NF1: variants seen among roughly 807,000 people sequenced by gnomAD.
NF1 encodes the protein neurofibromin 1, also known as neurofibromin.
NF1 carries 122 observed loss-of-function variants against 325.7 expected under a neutral mutation model. That is an observed-to-expected ratio of 0.37 (90% CI 0.32 to 0.44). The LOEUF is 0.44. NF1 is among the 20% of genes least tolerant of loss of function. The probability of loss-of-function intolerance (pLI) is 1.00; values close to 1 mark genes in which losing one functional copy is unlikely to be tolerated. For synonymous variants in NF1, 1,091 were observed against 1,186.0 expected (o/e 0.92, Z 1.65); for missense variants, 2,140 against 3,415.4 (o/e 0.63, Z 9.31).
intron 57 of NF1, among the ~76,000 whole-genome samples, chr17:31,364,001 A>G (rs1341134113): frequency 6.6e-6 from 1 of 152,048 alleles, no homozygotes; most frequent in African/African-American, 2.4e-5. Context: ...TCAGCCTCCC[A>G]AAGTGCTGGG....
intron 36 of NF1, among the ~76,000 whole-genome samples, chr17:31,310,631 C>T (rs1025063324): frequency 3.8e-4 from 58 of 152,080 alleles, no homozygotes; most frequent in African/African-American, 1.3e-3. Flanking sequence ...CCTTACCATC[C>T]TCTCCCTTTT....
intron 49 of NF1, among the ~76,000 whole-genome samples, chr17:31,349,663 C>A (rs1338293637): frequency 6.6e-6 from 1 of 152,220 alleles, no homozygotes; most frequent in African/African-American, 2.4e-5. Flanking sequence ...CCATCTCCTA[C>A]AAGCAACTGC....
At chr17:31,353,968 G>C (rs1300711910) in intron 51 of NF1, among the ~76,000 whole-genome samples, 4 of 152,186 alleles carry the variant, frequency 2.6e-5, no homozygotes, top group Admixed American at 2.6e-4. Context: ...GTTCCCTTCT[G>C]TTAGTACCTT....
At chr17:31,238,712 C>T (rs1191178416) in intron 29 of NF1, among the ~76,000 whole-genome samples, 6 of 148,738 alleles carry the variant, frequency 4.0e-5, no homozygotes, top group South Asian at 2.1e-4. Context: ...CCAGCCTGGG[C>T]GACAGAGCGA....
chr17:31,370,813 A>G (rs568837861), intron 57 of NF1, among the ~76,000 whole-genome samples: 1 of 152,264 alleles, frequency 6.6e-6, no homozygotes, highest in Non-Finnish European at 1.5e-5. Flanking sequence ...TCCATGCTTC[A>G]TGCCCCTCCT....
At chr17:31,217,042 C>A (rs1472577455) in intron 13 of NF1, among the ~76,000 whole-genome samples, 1 of 152,116 alleles carries the variant, frequency 6.6e-6, no homozygotes, top group African/African-American at 2.4e-5. Context: ...ACTTGTTGAT[C>A]TGATTATTTC....
chr17:31,310,732 T>C (rs946272226), intron 36 of NF1, among the ~76,000 whole-genome samples: 2 of 151,984 alleles, frequency 1.3e-5, no homozygotes, highest in African/African-American at 4.8e-5. Flanking sequence ...TTTCCAGAAA[T>C]CCCTTAGTCT....
At chr17:31,250,790 A>C (rs1277839717) in intron 30 of NF1, 1 of 188,664 alleles carries the variant, frequency 5.3e-6, no homozygotes, top group Non-Finnish European at 1.1e-5. Context: ...ATTTTTAAAC[A>C]CTATATGTGG....
chr17:31,264,946 C>T (rs1467036877), intron 35 of NF1, among the ~76,000 whole-genome samples: 1 of 152,020 alleles, frequency 6.6e-6, no homozygotes, highest in Non-Finnish European at 1.5e-5. Context: ...TTTAAAAAAT[C>T]ATAAACTTCT....
At chr17:31,184,661 A>AT (rs1491416823) in intron 8 of NF1, among the ~76,000 whole-genome samples, 1 of 140,644 alleles carries the variant, frequency 7.1e-6, no homozygotes, top group Non-Finnish European at 1.6e-5. Context: ...AAAAAAAAAT[A>AT]AAAAAAAAAA....
Position 31,330,286 on chromosome 17 carries a change from T to G in NF1, c.5610-10T>G. ...CGTTTTAAAACAACTTCATTTGTGT[T>G]TTCTCCTAGGTCAGCTGCCTATAAT... On this transcript the variant is annotated splice_polypyrimidine_tract_variant and intron_variant, in intron 38 of 57. Coordinates refer to ENST00000358273, the MANE Select transcript of NF1 (RefSeq NM_001042492.3). 6.2e-7 allele frequency: 1 copy of G among 1,613,570 alleles called. No individual in the cohort carries two copies. The highest frequency in any genetic ancestry group is 8.5e-7 in the Non-Finnish European group (1 of 1,179,502).
intron 30 of NF1, chr17:31,250,780 A>G (rs986491665): frequency 6.4e-5 from 12 of 188,818 alleles, no homozygotes; most frequent in Non-Finnish European, 1.2e-4. Flanking sequence ...GTGAAAATAG[A>G]TTTTTAAACA....
intron 1 of NF1, among the ~76,000 whole-genome samples, chr17:31,120,265 T>C (rs923156446): frequency 1.3e-5 from 2 of 152,228 alleles, no homozygotes; most frequent in Admixed American, 1.3e-4. Context: ...TTCATTTGTT[T>C]GTATCCTCTT....
At chr17:31,223,347 C>A in intron 15 of NF1, 97 bp from the exon 16 acceptor site, 1 of 1,428,822 alleles carries the variant, frequency 7.0e-7, no homozygotes, top group Non-Finnish European at 9.8e-7. Flanking sequence ...CTTCTCTAAA[C>A]TTGTATTCAT....
chr17:31,131,693 G>T (rs1915406870), intron 1 of NF1, among the ~76,000 whole-genome samples: 1 of 152,174 alleles, frequency 6.6e-6, no homozygotes, highest in Non-Finnish European at 1.5e-5. Context: ...CAAATCAGTT[G>T]TTGGTGTAAA....
chr17:31,277,982 C>T (rs1055851017), intron 36 of NF1, among the ~76,000 whole-genome samples: 2 of 152,088 alleles, frequency 1.3e-5, no homozygotes, highest in African/African-American at 4.8e-5. Context: ...CCTAAAATCA[C>T]CAGGCATGGT....
intron 36 of NF1, among the ~76,000 whole-genome samples, chr17:31,293,492 G>C (rs1038955619): frequency 6.6e-6 from 1 of 152,178 alleles, no homozygotes; most frequent in Non-Finnish European, 1.5e-5. Context: ...GAGAGCCACT[G>C]TACTAGACAG....
rs1555602539 is a variant in NF1, at chr17:31,139,388, A to ACACACT, written c.61-16590_61-16589insTCACAC. Among the ~76,000 whole-genome samples the ACACACT allele has an allele frequency of 1.3e-3, 197 of 150,510 alleles. 1 individual carries two copies. The highest frequency in any genetic ancestry group is 4.4e-3 in the African/African-American group (183 of 41,274). On this transcript the variant is annotated intron_variant, in intron 1 of 57. Transcript: ENST00000358273. ...ATGTTTTACACAGACACACACACACACACACACACACACACACACACACAC... is the reference window on the plus strand; with the variant it reads ...ATGTTTTACACAGACACACACACACACACACTCACACACACACACACACACACACAC...
At chr17:31,141,845 T>G (rs994551624) in intron 1 of NF1, among the ~76,000 whole-genome samples, 1 of 152,200 alleles carries the variant, frequency 6.6e-6, no homozygotes, top group African/African-American at 2.4e-5. Context: ...GAGGACTTAA[T>G]TCCGTTTCTT....
Sources: gnomAD v4.1 joint callset for allele counts (sites outside exome capture counted in the v4.1 genomes callset) on GRCh38, gnomAD v4.1.1 for gene constraint, MANE v1.5 for transcripts, NCBI Gene and HGNC (gene_info 2026-07-23, HGNC 2026-07-21) for gene names.